Variants in KIF15 observed in about 807,000 individuals in gnomAD.
KIF15 encodes kinesin family member 15.
KIF15 carries 140 observed loss-of-function variants against 190.6 expected under a neutral mutation model. The observed-to-expected ratio is 0.73, with a 90% CI of 0.64 to 0.84. The LOEUF is 0.84. Ranked by LOEUF, KIF15 falls within the 40% of genes least tolerant of loss-of-function variation. KIF15 has a pLI of 0.00. For missense variants in KIF15, 1,372 were observed against 1,584.4 expected (o/e 0.87, Z 2.28); for synonymous variants, 528 against 551.3 (o/e 0.96, Z 0.59).
At chr3:44,867,270 A>AAGGGGC (rs1699332089) in intron 6 of KIF15, among the ~76,000 whole-genome samples, 2 of 152,232 alleles carry the variant, frequency 1.3e-5, no homozygotes, top group South Asian at 4.1e-4. Flanking sequence ...CCTGTTCCAT[A>AAGGGGC]CTGTGACTCA....
intron 7 of KIF15, among the ~76,000 whole-genome samples, chr3:44,793,332 T>C (rs1016334323): frequency 2.0e-5 from 3 of 152,232 alleles, no homozygotes; most frequent in Admixed American, 2.0e-4. Context: ...AAATACTTTG[T>C]AGACCAAAAG....
At chr3:44,828,403 G>A in intron 24 of KIF15, 103 bp downstream of exon 24, 2 of 734,622 alleles carry the variant, frequency 2.7e-6, no homozygotes, top group South Asian at 1.7e-5. Flanking sequence ...GTGACCAATA[G>A]ATAATATGAA....
At chr3:44,862,707 G>A (rs920678536) in intron 6 of KIF15, 1 of 151,862 alleles carries the variant, frequency 6.6e-6, no homozygotes. Flanking sequence ...GCATCCTGGC[G>A]TCTGCTAAGG....
chr3:44,863,827 T>C, intron 6 of KIF15: 1 of 227,828 alleles, frequency 4.4e-6, no homozygotes, highest in Non-Finnish European at 8.8e-6. Flanking sequence ...GCTTACTACC[T>C]ACGGAGTAAG....
intron 1 of KIF15, among the ~76,000 whole-genome samples, chr3:44,773,481 C>G (rs1004936274): frequency 4.6e-5 from 7 of 152,172 alleles, no homozygotes; most frequent in Non-Finnish European, 8.8e-5. Context: ...GCCTGTCCAT[C>G]CTACGCATGA....
chr3:44,862,125 C>T (rs1699261768), intron 6 of KIF15: 37 of 317,806 alleles, frequency 1.2e-4, no homozygotes, highest in East Asian at 3.3e-4. Context: ...AGGTCGAGCC[C>T]GGGGCGCTGT....
At chr3:44,833,843 G>T (rs189274318) in intron 26 of KIF15, among the ~76,000 whole-genome samples, 1 of 152,188 alleles carries the variant, frequency 6.6e-6, no homozygotes, top group African/African-American at 2.4e-5. Context: ...GTTTTAGCAA[G>T]CCAATTGAAA....
At chr3:44,818,470 C>T (rs890866773) in intron 20 of KIF15, among the ~76,000 whole-genome samples, 1 of 152,086 alleles carries the variant, frequency 6.6e-6, no homozygotes, top group African/African-American at 2.4e-5. Context: ...TGAATTTTGT[C>T]GAAGGCCTTT....
chr3:44,806,162 A>G (rs1388040024), intron 16 of KIF15, among the ~76,000 whole-genome samples, 176 bp downstream of exon 16: 1 of 152,120 alleles, frequency 6.6e-6, no homozygotes, highest in East Asian at 1.9e-4. Context: ...GTATCCCCCC[A>G]GTGGTAGGGT....
At chr3:44,836,609 T>C (rs78079558) in intron 26 of KIF15, among the ~76,000 whole-genome samples, 1,605 of 152,160 alleles carry the variant, frequency 0.011, 19 homozygotes, top group Middle Eastern at 0.027. Flanking sequence ...AAAATGGACA[T>C]AGGTAGCTCC....
downstream of KIF15, among the ~76,000 whole-genome samples, chr3:44,856,285 A>G (rs973969502): frequency 4.6e-5 from 7 of 152,178 alleles, no homozygotes; most frequent in South Asian, 1.2e-3. Flanking sequence ...GGGCAGGGGC[A>G]AATCCCCAAA....
intron 6 of KIF15, chr3:44,861,780 C>G (rs1031883986): frequency 1.1e-5 from 10 of 951,358 alleles, no homozygotes; most frequent in East Asian, 3.1e-5. Flanking sequence ...GGCCCGCCCC[C>G]TCCGAGGCGC....
chr3:44,849,734 A>G (rs1326256176), intron 32 of KIF15, among the ~76,000 whole-genome samples: 1 of 152,172 alleles, frequency 6.6e-6, no homozygotes, highest in Non-Finnish European at 1.5e-5. Context: ...ATATGTATGT[A>G]CATACATACA....
chr3:44,836,151 A>T (rs985900594), intron 26 of KIF15, among the ~76,000 whole-genome samples: 17 of 152,326 alleles, frequency 1.1e-4, no homozygotes, highest in South Asian at 8.3e-4. Context: ...GCTCAAGACC[A>T]GCCTGCCCAA....
Position 44,775,267 on chromosome 3 carries a change from G to A in KIF15, c.76G>A (p.Ala26Thr). 1 of 1,612,998 alleles carries A rather than the reference G, an allele frequency of 6.2e-7. No homozygotes were observed. Among genetic ancestry groups the A allele is most frequent in the Non-Finnish European group, 8.5e-7 (1 of 1,179,516 alleles). Residue 26 changes from alanine to threonine, a missense_variant, in exon 3 of 35, where the codon GCC becomes ACC. Coordinates refer to ENST00000326047, the MANE Select transcript of KIF15 (RefSeq NM_020242.3). Reference protein sequence around the residue: ...QSNQPSNEGDAIKVFVRIRPP... With the variant: ...QSNQPSNEGDTIKVFVRIRPP... The stretch of plus-strand genomic sequence containing the variant: ...TTTTGTCTTTAGTAATGAAGGTGAT[G>A]CCATCAAAGTTTTTGTGCGAATTCG...
intron 1 of KIF15, among the ~76,000 whole-genome samples, chr3:44,766,900 T>G (rs1040530125): frequency 2.8e-5 from 4 of 142,126 alleles, no homozygotes; most frequent in Admixed American, 7.4e-5. Flanking sequence ...AAGCTCCGCC[T>G]CCTGGGTTCA....
intron 17 of KIF15, among the ~76,000 whole-genome samples, chr3:44,811,797 T>C (rs900193355): frequency 1.3e-5 from 2 of 152,124 alleles, no homozygotes; most frequent in Non-Finnish European, 1.5e-5. Context: ...AAAGTTGGAG[T>C]GGGCCAGACC....
intron 1 of KIF15, among the ~76,000 whole-genome samples, chr3:44,764,068 A>G (rs958662659): frequency 5.3e-5 from 8 of 152,198 alleles, no homozygotes; most frequent in Admixed American, 2.6e-4. Flanking sequence ...AAAGCATCCA[A>G]TGGTCTGTTT....
chr3:44,779,914 T>G (rs1219170281), intron 4 of KIF15, among the ~76,000 whole-genome samples: 1 of 152,094 alleles, frequency 6.6e-6, no homozygotes, highest in Non-Finnish European at 1.5e-5. Context: ...TTTTTCCCTC[T>G]TTTCTTCCAG....
Sources: allele counts gnomAD v4.1 joint callset (sites outside exome capture counted in the v4.1 genomes callset), GRCh38; gene constraint gnomAD v4.1.1; transcripts MANE v1.5; gene names NCBI Gene and HGNC (gene_info 2026-07-23, HGNC 2026-07-21).